Variants in RRP15 observed in about 807,000 individuals in gnomAD.
RRP15 encodes the protein ribosomal RNA processing 15 homolog.
In RRP15, 18 loss-of-function variants were observed where a neutral mutation model predicts 27.1. The ratio of observed to expected loss-of-function variants is 0.66; its 90% CI spans 0.46 to 0.98. The LOEUF (loss-of-function observed/expected upper bound fraction) is 0.98, where lower values mean the gene tolerates loss of function less well. Among genes scored for constraint, RRP15 ranks in the 50% least tolerant of loss-of-function variants. The pLI is 0.00. For missense variants in RRP15, 359 were observed against 337.8 expected (o/e 1.06, Z -0.49); for synonymous variants, 107 against 109.4 (o/e 0.98, Z 0.14).
chr1:218,287,680 C>T (rs1655571841), intron 1 of RRP15, among the ~76,000 whole-genome samples: 1 of 150,562 alleles, frequency 6.6e-6, no homozygotes, highest in African/African-American at 2.5e-5. Flanking sequence ...CCTCTGGAAC[C>T]CAGCCTAGGC....
chr1:218,332,854 A>T lies in RRP15; in HGVS notation c.*1763A>T, dbSNP rs968518869. 2.0e-5 allele frequency: 3 copies of T among 151,618 alleles called. No homozygotes were observed. Among genetic ancestry groups the T allele is most frequent in the Non-Finnish European group, 4.4e-5 (3 of 67,912 alleles). 9.4% of individuals were successfully genotyped at this position (151,618 alleles called of 1,614,324 possible). A position where few individuals can be genotyped will look rare whatever the true frequency, so the allele number is the denominator to read the frequency against. On this transcript the variant is annotated 3_prime_UTR_variant, in exon 5 of 5. Transcript: ENST00000366932. ...GATACATATTTCAATATGACTTAAC[A>T]AACACACAATTTTGAAAAAAAAAAA...
chr1:218,328,459 GAGAC>G (rs1360726192), intron 4 of RRP15, among the ~76,000 whole-genome samples: 1 of 152,054 alleles, frequency 6.6e-6, no homozygotes, highest in Non-Finnish European at 1.5e-5. Context: ...TCAGGAGATT[GAGAC>G]CATCCTGGCT....
At chr1:218,328,464 C>A (rs988916193) in intron 4 of RRP15, among the ~76,000 whole-genome samples, 1 of 152,040 alleles carries the variant, frequency 6.6e-6, no homozygotes, top group African/African-American at 2.4e-5. Context: ...AGATTGAGAC[C>A]ATCCTGGCTA....
intron 3 of RRP15, 48 bp from the exon 4 acceptor site, chr1:218,307,383 C>T: frequency 6.7e-7 from 1 of 1,496,666 alleles, no homozygotes; most frequent in Non-Finnish European, 9.2e-7. Context: ...AGTTTGTATT[C>T]TAGGGTAATT....
At chr1:218,290,058 T>G (rs1655609951) in intron 1 of RRP15, among the ~76,000 whole-genome samples, 1 of 152,184 alleles carries the variant, frequency 6.6e-6, no homozygotes. Context: ...CTTACTCCCT[T>G]CAGTCTTCTA....
intron 1 of RRP15, among the ~76,000 whole-genome samples, chr1:218,297,049 G>A (rs912480970): frequency 6.6e-6 from 1 of 152,126 alleles, no homozygotes; most frequent in Non-Finnish European, 1.5e-5. Flanking sequence ...CGCTTTTCAT[G>A]TGTTATCATA....
intron 1 of RRP15, among the ~76,000 whole-genome samples, chr1:218,293,804 A>G (rs1391036108): frequency 6.6e-6 from 1 of 152,228 alleles, no homozygotes; most frequent in Non-Finnish European, 1.5e-5. Flanking sequence ...ATGGGGACAG[A>G]GACCTTGTTA....
chr1:218,313,289 G>C (rs1656031310), intron 4 of RRP15, among the ~76,000 whole-genome samples: 1 of 152,170 alleles, frequency 6.6e-6, no homozygotes, highest in Non-Finnish European at 1.5e-5. Context: ...CGTGAACTAA[G>C]ATTGTGTGGG....
chr1:218,296,862 A>T (rs939863202), intron 1 of RRP15, among the ~76,000 whole-genome samples: 3 of 152,134 alleles, frequency 2.0e-5, no homozygotes, highest in African/African-American at 7.2e-5. Context: ...GTTATAAACT[A>T]TAACAAGACT....
In RRP15 at chr1:218,333,838, C is replaced by A. The variant is rs760029978; in HGVS notation, c.*2747C>A. On this transcript the variant is annotated 3_prime_UTR_variant, in exon 5 of 5. Coordinates refer to ENST00000366932, the MANE Select transcript of RRP15 (RefSeq NM_016052.4). ...AACGAGGGGAAAGAAAACTGCAATTCCTGCCTCCCCATTTATTTAAACATA... is the reference window on the plus strand; with the variant it reads ...AACGAGGGGAAAGAAAACTGCAATTACTGCCTCCCCATTTATTTAAACATA... 1.3e-5 allele frequency: 2 copies of A among 152,132 alleles called. No individual in the cohort carries two copies. Among genetic ancestry groups the A allele is most frequent in the Non-Finnish European group, 2.9e-5 (2 of 68,036 alleles). 9.4% of individuals were successfully genotyped at this position (152,132 alleles called of 1,614,324 possible).
At chr1:218,286,275 A>G (rs1160869645) in intron 1 of RRP15, among the ~76,000 whole-genome samples, 1 of 152,208 alleles carries the variant, frequency 6.6e-6, no homozygotes, top group Non-Finnish European at 1.5e-5. Flanking sequence ...GATTTGGGCC[A>G]GGTTGTCTGT....
chr1:218,324,519 G>A lies in RRP15; in HGVS notation c.706-6429G>A, dbSNP rs115017255. Among the ~76,000 whole-genome samples, 1,462 of 152,302 alleles carry A rather than the reference G, an allele frequency of 9.6e-3. 27 individuals carry two copies. Among genetic ancestry groups the A allele is most frequent in the African/African-American group, 0.033 (1,389 of 41,562 alleles). The stretch of plus-strand genomic sequence containing the variant: ...TGCTGCTTCCGCTCCTGCTACCACC[G>A]CCTGCACCTCCCTGCTGCAACTGGT... On this transcript the variant is annotated intron_variant, in intron 4 of 4. Transcript: ENST00000366932.
intron 1 of RRP15, among the ~76,000 whole-genome samples, chr1:218,299,562 T>C (rs1335129725): frequency 6.6e-6 from 1 of 152,164 alleles, no homozygotes; most frequent in Admixed American, 6.5e-5. Context: ...AATTTGTGTG[T>C]GAATACATCA....
chr1:218,310,735 C>T (rs1350168202), intron 4 of RRP15, among the ~76,000 whole-genome samples: 1 of 151,788 alleles, frequency 6.6e-6, no homozygotes, highest in Non-Finnish European at 1.5e-5. Context: ...CCGAACAAGT[C>T]ATTTTTCTTT....
intron 1 of RRP15, among the ~76,000 whole-genome samples, chr1:218,297,090 T>TAACTA (rs1382630958): frequency 6.6e-6 from 1 of 152,154 alleles, no homozygotes; most frequent in East Asian, 1.9e-4. Flanking sequence ...AGTGAAGTAG[T>TAACTA]TACTGTTTTT....
chr1:218,307,330 G>T (rs1655914425), intron 3 of RRP15, 101 bp from the exon 4 acceptor site: 4 of 955,568 alleles, frequency 4.2e-6, no homozygotes, highest in Non-Finnish European at 3.1e-6. Context: ...TTAAATGCTT[G>T]CCTCTTTTCT....
chr1:218,313,885 C>T (rs189386571), intron 4 of RRP15, among the ~76,000 whole-genome samples: 13 of 152,228 alleles, frequency 8.5e-5, no homozygotes, highest in African/African-American at 2.2e-4. Context: ...TGTAATTCTT[C>T]GATCAAATAC....
intron 4 of RRP15, among the ~76,000 whole-genome samples, chr1:218,325,156 A>G (rs188401251): frequency 9.6e-4 from 146 of 152,344 alleles, no homozygotes; most frequent in African/African-American, 3.4e-3. Flanking sequence ...AGTTAAAATA[A>G]CATACAGTGA....
intron 1 of RRP15, among the ~76,000 whole-genome samples, chr1:218,295,168 AATAACAGTGGTTGATGAT>A (rs1655700331): frequency 6.6e-6 from 1 of 152,194 alleles, no homozygotes; most frequent in Non-Finnish European, 1.5e-5. Flanking sequence ...CAGGTGAAAA[AATAACAGTGGTTGATGAT>A]ATCAAGTATG....
Sources: gnomAD v4.1 joint callset for allele counts (sites outside exome capture counted in the v4.1 genomes callset) on GRCh38, gnomAD v4.1.1 for gene constraint, MANE v1.5 for transcripts, NCBI Gene and HGNC (gene_info 2026-07-23, HGNC 2026-07-21) for gene names.